Variants in TSPEAR observed in about 807,000 individuals in gnomAD.
TSPEAR encodes the protein thrombospondin type laminin G domain and EAR repeats.
TSPEAR carries 69 observed loss-of-function variants against 71.6 expected under a neutral mutation model. The ratio of observed to expected loss-of-function variants is 0.96; its 90% CI spans 0.79 to 1.18. TSPEAR has a LOEUF of 1.18. TSPEAR is among the 50% of genes most tolerant of loss of function. The probability of loss-of-function intolerance (pLI) is 0.00; values close to 1 mark genes in which losing one functional copy is unlikely to be tolerated. For missense variants in TSPEAR, 971 were observed against 894.9 expected (o/e 1.09, Z -1.09); for synonymous variants, 402 against 387.2 (o/e 1.04, Z -0.45).
intron 1 of TSPEAR, chr21:44,591,282 T>C: frequency 6.8e-7 from 1 of 1,481,454 alleles, no homozygotes. Flanking sequence ...ACAAAGAGCC[T>C]GCCCCATCTT....
In TSPEAR at chr21:44,710,630, G is replaced by A. The variant is rs1377969907; in HGVS notation, c.82+803C>T. On this transcript the variant is annotated intron_variant, in intron 1 of 11. Transcript: ENST00000323084. The surrounding 1 kb of genome is among the most constrained non-coding windows in gnomAD (Gnocchi z 4.6). ...AGCCATCTCCTCGCCTCCCCTGATAGCCGTGCTGCGGAGCCTGAGTGCTGG... is the reference window on the plus strand; with the variant it reads ...AGCCATCTCCTCGCCTCCCCTGATAACCGTGCTGCGGAGCCTGAGTGCTGG... Among the ~76,000 whole-genome samples, 1 of 152,226 alleles carries A rather than the reference G, an allele frequency of 6.6e-6. No homozygotes were observed. The highest frequency in any genetic ancestry group is 1.5e-5 in the Non-Finnish European group (1 of 68,042).
chr21:44,600,280 C>A (rs587651712), intron 1 of TSPEAR, among the ~76,000 whole-genome samples: 1 of 152,124 alleles, frequency 6.6e-6, no homozygotes, highest in African/African-American at 2.4e-5. Context: ...CCAGCACAGG[C>A]CCCTGGGACA....
chr21:44,634,971 C>T (rs782291655), intron 1 of TSPEAR, among the ~76,000 whole-genome samples: 54 of 152,144 alleles, frequency 3.5e-4, no homozygotes, highest in Non-Finnish European at 6.9e-4. Context: ...ACATGGAATT[C>T]CATACAACTC....
chr21:44,596,782 T>C (rs189659402), intron 1 of TSPEAR, among the ~76,000 whole-genome samples: 18 of 152,380 alleles, frequency 1.2e-4, no homozygotes, highest in Admixed American at 7.8e-4. Flanking sequence ...TTAAGAACCA[T>C]GTATATTTCT....
intron 2 of TSPEAR, among the ~76,000 whole-genome samples, chr21:44,554,134 G>T (rs587687836): frequency 2.0e-5 from 3 of 152,296 alleles, no homozygotes; most frequent in South Asian, 4.1e-4. Context: ...TTAAGAGGTG[G>T]GGCCTTTGGG....
intron 1 of TSPEAR, among the ~76,000 whole-genome samples, chr21:44,583,246 G>A (rs1979123419): frequency 6.6e-6 from 1 of 152,236 alleles, no homozygotes; most frequent in Non-Finnish European, 1.5e-5. Context: ...GCTGGGAGGG[G>A]ATGTGAGTCT....
intron 1 of TSPEAR, among the ~76,000 whole-genome samples, chr21:44,683,647 C>CTCAAAA (rs1986722326): frequency 6.6e-6 from 1 of 151,812 alleles, no homozygotes; most frequent in Non-Finnish European, 1.5e-5. Flanking sequence ...CCAGCCAGGG[C>CTCAAAA]AACAGAGCAA....
chr21:44,611,679 A>T (rs1449293225), intron 1 of TSPEAR, among the ~76,000 whole-genome samples: 1 of 152,128 alleles, frequency 6.6e-6, no homozygotes, highest in Non-Finnish European at 1.5e-5. Flanking sequence ...GGTGGAGAAC[A>T]TCTGCTGGTA....
At chr21:44,641,840 G>A (rs782014400) in intron 1 of TSPEAR, among the ~76,000 whole-genome samples, 19 of 152,160 alleles carry the variant, frequency 1.2e-4, no homozygotes, top group Non-Finnish European at 2.1e-4. Flanking sequence ...GCTGTGGCAG[G>A]CTTCAGCGGG....
intron 1 of TSPEAR, among the ~76,000 whole-genome samples, chr21:44,573,099 C>G (rs1469797107): frequency 6.6e-6 from 1 of 152,146 alleles, no homozygotes; most frequent in South Asian, 2.1e-4. Flanking sequence ...GTTGTGTGAC[C>G]AGCCAGTTTG....
At chr21:44,558,158 G>T (rs1555920210) in intron 2 of TSPEAR, 8 of 1,611,402 alleles carry the variant, frequency 5.0e-6, no homozygotes, top group Middle Eastern at 1.7e-4. Context: ...GGCAGCAGCT[G>T]GGCTGGCAGG....
intron 11 of TSPEAR, among the ~76,000 whole-genome samples, chr21:44,502,642 A>G (rs2145904085): frequency 6.6e-6 from 1 of 152,382 alleles, no homozygotes; most frequent in Non-Finnish European, 1.5e-5. Flanking sequence ...CAGAAGCACC[A>G]GCACTCGTGG....
At chr21:44,611,563 T>A (rs994369813) in intron 1 of TSPEAR, among the ~76,000 whole-genome samples, 8 of 152,026 alleles carry the variant, frequency 5.3e-5, no homozygotes, top group Non-Finnish European at 1.2e-4. Context: ...TACAGGGGCA[T>A]CGCACCATAG....
intron 1 of TSPEAR, among the ~76,000 whole-genome samples, chr21:44,689,505 TAA>T (rs797025291): frequency 1.7e-5 from 2 of 117,412 alleles, no homozygotes. Flanking sequence ...CCATCTCGAA[TAA>T]AAAAAAAAAA....
At chr21:44,663,747 T>C (rs1555944180) in intron 1 of TSPEAR, among the ~76,000 whole-genome samples, 1 of 152,006 alleles carries the variant, frequency 6.6e-6, no homozygotes, top group Non-Finnish European at 1.5e-5. Context: ...TCCAGAAATA[T>C]GTAAAAGAGA....
rs782352710 is a variant in TSPEAR at position 44,522,129 on chromosome 21, G to C, written c.1337-17C>G. The C allele has an allele frequency of 6.2e-7, 1 of 1,610,996 alleles. No individual in the cohort carries two copies. Among genetic ancestry groups the C allele is most frequent in the Non-Finnish European group, 8.5e-7 (1 of 1,177,312 alleles). On this transcript the variant is annotated splice_polypyrimidine_tract_variant and intron_variant, in intron 8 of 11. Coordinates refer to ENST00000323084, the MANE Select transcript of TSPEAR (RefSeq NM_144991.3). ...GGTTGTCGCCTGGAACCAAGGGACT[G>C]TGCTGGGGGCAGGGAGGCAGATTCC...
Position 44,711,429 on chromosome 21 carries a change from T to C in TSPEAR, c.82+4A>G. Reference sequence around the variant, plus strand: ...CCGCCCGAGTTCCCATGCCCCTGCCTTACCTGTGCAGGGCTCCCAACCCTG... The same window carrying C: ...CCGCCCGAGTTCCCATGCCCCTGCCCTACCTGTGCAGGGCTCCCAACCCTG... On this transcript the variant is annotated splice_donor_region_variant and intron_variant, in intron 1 of 11. Transcript: ENST00000323084. The surrounding 1 kb of genome is among the most constrained non-coding windows in gnomAD (Gnocchi z 4.5). 6.3e-7 allele frequency: 1 copy of C among 1,596,770 alleles called. No individual in the cohort carries two copies. The highest frequency in any genetic ancestry group is 8.5e-7 in the Non-Finnish European group (1 of 1,172,240).
Position 44,528,592 on chromosome 21 carries a change from A to G in TSPEAR, c.791-9T>C. Reference sequence around the variant, plus strand: ...CACTCGAATGTTGGTTTCTGAGGGGAAGACCAGGAAGATGAGTTTCCAGCA... The same window carrying G: ...CACTCGAATGTTGGTTTCTGAGGGGGAGACCAGGAAGATGAGTTTCCAGCA... On this transcript the variant is annotated splice_polypyrimidine_tract_variant and intron_variant, in intron 5 of 11. Transcript: ENST00000323084. 6.2e-7 allele frequency: 1 copy of G among 1,612,944 alleles called. No homozygotes were observed. Among genetic ancestry groups the G allele is most frequent in the Non-Finnish European group, 8.5e-7 (1 of 1,179,516 alleles).
rs782472833 is a variant in TSPEAR, at chr21:44,558,256, G to A, written c.303+9529C>T. 12 of 1,613,960 alleles carry A rather than the reference G, an allele frequency of 7.4e-6. No individual in the cohort carries two copies. The East Asian group carries it at 2.2e-4, about 30-fold the overall frequency. ...CAGAGGAGGGACACGGAGGAGGAGG[G>A]TCTGCAGCAGGAGGTGGTGCAGCAA... On this transcript the variant is annotated intron_variant, in intron 2 of 11. Coordinates refer to ENST00000323084, the MANE Select transcript of TSPEAR (RefSeq NM_144991.3).
Sources: gnomAD v4.1 joint callset for allele counts (sites outside exome capture counted in the v4.1 genomes callset) on GRCh38, gnomAD v4.1.1 for gene constraint, Gnocchi (gnomAD v3.1) non-coding constraint, MANE v1.5 for transcripts, NCBI Gene and HGNC (gene_info 2026-07-23, HGNC 2026-07-21) for gene names.